RBM41: variants seen among roughly 807,000 people sequenced by gnomAD.
The protein encoded by RBM41 is RNA binding motif protein 41, also known as RNA-binding protein 41.
RBM41 carries 14 observed loss-of-function variants against 30.8 expected under a neutral mutation model. That is an observed-to-expected ratio of 0.45 (90% CI 0.30 to 0.71). The LOEUF is 0.71. Ranked by LOEUF, RBM41 falls within the 30% of genes least tolerant of loss-of-function variation. RBM41 has a pLI of 0.08. For missense variants in RBM41, 276 were observed against 326.3 expected (o/e 0.85, Z 1.19); for synonymous variants, 120 against 110.1 (o/e 1.09, Z -0.56).
chrX:107,092,523 T>C (rs758056100), intron 5 of RBM41, among the ~76,000 whole-genome samples: 1 of 111,098 alleles, frequency 9.0e-6, no homozygotes, highest in Non-Finnish European at 1.9e-5. Context: ...AGGAGGAAAG[T>C]TCCTTGAGCC....
intron 1 of RBM41, among the ~76,000 whole-genome samples, chrX:107,118,500 C>G (rs1407134961): frequency 9.0e-6 from 1 of 110,928 alleles, no homozygotes; most frequent in Non-Finnish European, 1.9e-5. Flanking sequence ...AACGACGAAG[C>G]CGCAGCACCC....
chrX:107,104,982 A>G (rs1192110014), intron 5 of RBM41, among the ~76,000 whole-genome samples: 7 of 109,420 alleles, frequency 6.4e-5, no homozygotes, highest in Non-Finnish European at 1.3e-4. Context: ...CTCTCTCACC[A>G]CTCCTATTCA....
At chrX:107,111,592 C>T in intron 5 of RBM41, among the ~76,000 whole-genome samples, 1 of 111,310 alleles carries the variant, frequency 9.0e-6, no homozygotes, top group Non-Finnish European at 1.9e-5. Context: ...TATTTGTATA[C>T]CCATGTTCGT....
chrX:107,060,723 T>C (rs137988339), downstream of RBM41, among the ~76,000 whole-genome samples: 11 of 111,536 alleles, frequency 9.9e-5, no homozygotes, highest in African/African-American at 3.3e-4. Flanking sequence ...TCAAGAACCA[T>C]TGATGAATGC....
At chrX:107,060,163 T>C (rs1272808470), downstream of RBM41, among the ~76,000 whole-genome samples, 1 of 109,359 alleles carries the variant, frequency 9.1e-6, no homozygotes, top group East Asian at 2.9e-4. Flanking sequence ...CTATAAGCCA[T>C]AGAGTAAAAT....
At chrX:107,090,532 C>T (rs182134193) in intron 5 of RBM41, among the ~76,000 whole-genome samples, 1 of 111,744 alleles carries the variant, frequency 8.9e-6, no homozygotes, top group East Asian at 2.8e-4. Flanking sequence ...CCCTTCAAAT[C>T]GGCTCCTGTA....
chrX:107,060,246 A>G (rs1386014760), downstream of RBM41, among the ~76,000 whole-genome samples: 1 of 110,109 alleles, frequency 9.1e-6, no homozygotes, highest in Non-Finnish European at 1.9e-5. Context: ...GAATTTCAAT[A>G]TAGAGTGAAA....
At chrX:107,104,620 T>C (rs1923778358) in intron 5 of RBM41, among the ~76,000 whole-genome samples, 2 of 111,600 alleles carry the variant, frequency 1.8e-5, no homozygotes, top group Non-Finnish European at 3.8e-5. Context: ...AAGAAGATCT[T>C]GTCAAAGGCC....
At chrX:107,118,329 T>G (rs986642154) in intron 1 of RBM41, among the ~76,000 whole-genome samples, 2 of 110,364 alleles carry the variant, frequency 1.8e-5, no homozygotes, top group Admixed American at 9.6e-5. Flanking sequence ...GCAAGTAGTC[T>G]TTAACACACA....
At chrX:107,090,716 C>T (rs2147616848) in intron 5 of RBM41, among the ~76,000 whole-genome samples, 1 of 111,410 alleles carries the variant, frequency 9.0e-6, no homozygotes, top group South Asian at 3.8e-4. Context: ...TTGTTGTTTC[C>T]AGGCCTTTTC....
At chrX:107,075,597 A>G (rs1379025665) in intron 6 of RBM41, among the ~76,000 whole-genome samples, 2 of 112,478 alleles carry the variant, frequency 1.8e-5, no homozygotes, top group African/African-American at 6.5e-5. Context: ...ACATTTCTCC[A>G]AAGAGATATA....
intron 5 of RBM41, among the ~76,000 whole-genome samples, chrX:107,097,495 A>T (rs1923081883): frequency 9.0e-6 from 1 of 110,815 alleles, no homozygotes; most frequent in South Asian, 3.9e-4. Flanking sequence ...ACAAGATCTG[A>T]TGGTTTTATA....
At chrX:107,091,673 G>A (rs576242570) in intron 5 of RBM41, among the ~76,000 whole-genome samples, 1 of 111,503 alleles carries the variant, frequency 9.0e-6, no homozygotes, top group African/African-American at 3.3e-5. Context: ...TGGTTCCATT[G>A]TTTCTTTTTT....
In RBM41 at chrX:107,073,577, C is replaced by T. The variant is rs996705152; in HGVS notation, c.1000-4175G>A. On this transcript the variant is annotated intron_variant, in intron 6 of 7. Transcript: ENST00000685964. ...TTTACAGCCACTATGGGAAACAGTA[C>T]GGAGGTTCCTCAACAAACTACAAAT... 8.1e-5 allele frequency among the ~76,000 whole-genome samples: 9 copies of T among 111,475 alleles called. No homozygotes were observed. The South Asian group carries it at 1.9e-3, about 23-fold the overall frequency.
At chrX:107,090,793 A>T (rs1285558) in intron 5 of RBM41, among the ~76,000 whole-genome samples, 5,472 of 109,225 alleles carry the variant, frequency 0.05, 369 homozygotes, top group African/African-American at 0.17. Flanking sequence ...TATTTTATTT[A>T]TTTTTTTTTA....
chrX:107,074,094 T>C (rs1371017593), intron 6 of RBM41, among the ~76,000 whole-genome samples: 10 of 110,965 alleles, frequency 9.0e-5, no homozygotes, highest in Middle Eastern at 4.7e-3. Context: ...ATATATTATA[T>C]AGTATCAAAT....
intron 4 of RBM41, 31 bp downstream of exon 4, chrX:107,115,321 G>C: frequency 8.4e-7 from 1 of 1,185,897 alleles, no homozygotes; most frequent in Non-Finnish European, 1.1e-6. Flanking sequence ...CTCAGTGAAA[G>C]AATATATCAA....
At chrX:107,104,561 C>T (rs1923773602) in intron 5 of RBM41, among the ~76,000 whole-genome samples, 1 of 111,161 alleles carries the variant, frequency 9.0e-6, no homozygotes, top group African/African-American at 3.3e-5. Context: ...TAAATTTTTA[C>T]ATTTCACTTT....
intron 5 of RBM41, among the ~76,000 whole-genome samples, chrX:107,100,508 A>G (rs1251646566): frequency 9.0e-6 from 1 of 110,797 alleles, no homozygotes; most frequent in East Asian, 2.8e-4. Flanking sequence ...AAAAAAGAAA[A>G]AAAAAGTAAC....
Sources: allele counts gnomAD v4.1 joint callset (sites outside exome capture counted in the v4.1 genomes callset), GRCh38; gene constraint gnomAD v4.1.1; transcripts MANE v1.5; gene names NCBI Gene and HGNC (gene_info 2026-07-23, HGNC 2026-07-21).